PPP1R37: variants seen among roughly 807,000 people sequenced by gnomAD.
PPP1R37 encodes the protein protein phosphatase 1 regulatory subunit 37, also known as leucine rich repeat containing 68.
Under a neutral mutation model 61.0 loss-of-function variants are expected in PPP1R37, and 21 were observed. The ratio of observed to expected loss-of-function variants is 0.34; its 90% CI spans 0.24 to 0.50. The LOEUF is 0.50. Ranked by LOEUF, PPP1R37 falls within the 20% of genes least tolerant of loss-of-function variation. PPP1R37 has a pLI of 0.98. For synonymous variants in PPP1R37, 443 were observed against 433.5 expected (o/e 1.02, Z -0.27); for missense variants, 910 against 952.7 (o/e 0.96, Z 0.59).
chr19:45,146,340 G>A (rs1305331692), intron 11 of PPP1R37, 50 bp from the exon 12 acceptor site: 8 of 1,497,300 alleles, frequency 5.3e-6, no homozygotes, highest in African/African-American at 1.4e-5. Context: ...GGGACAGGTT[G>A]TATTTGCCCC....
Position 45,146,839 on chromosome 19 carries a change from A to G in PPP1R37, c.*277A>G. The stretch of plus-strand genomic sequence containing the variant: ...GAGCAGGAGGAGGAGGAGGTCTCCA[A>G]GGACATCAGGCGCCTGTTCTGGAGG... On this transcript the variant is annotated 3_prime_UTR_variant, in exon 13 of 13. Coordinates refer to ENST00000221462, the MANE Select transcript of PPP1R37 (RefSeq NM_019121.2). 4.7e-6 allele frequency: 1 copy of G among 214,454 alleles called. No homozygotes were observed. Among genetic ancestry groups the G allele is most frequent in the South Asian group, 6.0e-5 (1 of 16,648 alleles). 13.3% of individuals were successfully genotyped at this position (214,454 alleles called of 1,614,324 possible).
At chr19:45,096,153 T>C (rs1967990657) in intron 1 of PPP1R37, among the ~76,000 whole-genome samples, 1 of 152,050 alleles carries the variant, frequency 6.6e-6, no homozygotes, top group Non-Finnish European at 1.5e-5. Context: ...CATCTTGGGC[T>C]GGTGTGGAGG....
intron 1 of PPP1R37, among the ~76,000 whole-genome samples, chr19:45,119,240 T>A (rs1968308904): frequency 6.6e-6 from 1 of 151,534 alleles, no homozygotes; most frequent in Non-Finnish European, 1.5e-5. Context: ...CTGCAGCCTC[T>A]GCTTCCCAGG....
At chr19:45,106,511 T>C (rs1968133194) in intron 1 of PPP1R37, among the ~76,000 whole-genome samples, 1 of 152,076 alleles carries the variant, frequency 6.6e-6, no homozygotes, top group Non-Finnish European at 1.5e-5. Context: ...CCCAAAGCTC[T>C]GGGATTACAG....
intron 1 of PPP1R37, among the ~76,000 whole-genome samples, chr19:45,133,232 C>T (rs1004105781): frequency 1.2e-4 from 18 of 152,140 alleles, no homozygotes; most frequent in Non-Finnish European, 2.1e-4. Context: ...TACAGGCATG[C>T]GCCACAACAC....
chr19:45,127,974 CAAAAA>C (rs35001139), intron 1 of PPP1R37, among the ~76,000 whole-genome samples: 2 of 61,866 alleles, frequency 3.2e-5, no homozygotes, highest in South Asian at 5.9e-4. Context: ...GACTCCATCT[CAAAAA>C]AAAAAAAAAA....
chr19:45,136,660 C>G (rs555819986), intron 1 of PPP1R37, among the ~76,000 whole-genome samples: 1 of 152,198 alleles, frequency 6.6e-6, no homozygotes, highest in Non-Finnish European at 1.5e-5. Flanking sequence ...GCCTCCACCC[C>G]CAAGGAGGAG....
chr19:45,108,042 A>G (rs1443272781), intron 1 of PPP1R37, among the ~76,000 whole-genome samples: 1 of 152,180 alleles, frequency 6.6e-6, no homozygotes, highest in African/African-American at 2.4e-5. Context: ...AAAAATTCTT[A>G]GAAGGTGATT....
rs555385002 is a variant in PPP1R37 at position 45,144,864 on chromosome 19, A to G, written c.998A>G (p.Gln333Arg). 6.5e-7 allele frequency: 1 copy of G among 1,533,402 alleles called. No individual in the cohort carries two copies. Among genetic ancestry groups the G allele is most frequent in the Non-Finnish European group, 8.7e-7 (1 of 1,145,488 alleles). The allele number at this position is 1,533,402 out of a possible 1,614,324, so 95.0% of individuals were successfully genotyped here. A position where few individuals can be genotyped will look rare whatever the true frequency, so the allele number is the denominator to read the frequency against. Residue 333 changes from glutamine (Q) to arginine (R), a missense_variant, in exon 9 of 13, where the codon CAG (glutamine) becomes CGG (arginine). By Grantham distance (43) the Gln-to-Arg change is conservative. Coordinates refer to ENST00000221462, the MANE Select transcript of PPP1R37 (RefSeq NM_019121.2). ...ACCCCCTCCCTCCAGCCGCACACTC[A>G]GAGCCTGGAGACGCTGAACCTGGGC... Reference protein sequence around the residue: ...AFLGMTLPHTQSLETLNLGHN... With the variant: ...AFLGMTLPHTRSLETLNLGHN...
chr19:45,146,680 T>C lies in PPP1R37; in HGVS notation c.*118T>C. The stretch of plus-strand genomic sequence containing the variant: ...AGGATGCCAGGGGTGGGGGCCATTC[T>C]GGGGCCCCCCTCCCCCCACAGCAAC... On this transcript the variant is annotated 3_prime_UTR_variant, in exon 13 of 13. Coordinates refer to ENST00000221462, the MANE Select transcript of PPP1R37 (RefSeq NM_019121.2). 1 of 533,926 alleles carries C rather than the reference T, an allele frequency of 1.9e-6. No homozygotes were observed. Among genetic ancestry groups the C allele is most frequent in the Non-Finnish European group, 3.4e-6 (1 of 294,774 alleles). The allele number at this position is 533,926 out of a possible 1,614,324, so 33.1% of individuals were successfully genotyped here.
chr19:45,143,326 C>A (rs1015774039), intron 7 of PPP1R37, 195 bp from the exon 8 acceptor site: 5 of 535,500 alleles, frequency 9.3e-6, no homozygotes, highest in Non-Finnish European at 1.7e-5. Flanking sequence ...TGGAGGCTGT[C>A]ATCCAGGCAC....
At chr19:45,117,978 GC>G (rs1346540014) in intron 1 of PPP1R37, among the ~76,000 whole-genome samples, 1 of 152,254 alleles carries the variant, frequency 6.6e-6, no homozygotes, top group Non-Finnish European at 1.5e-5. Context: ...TTACTGAGAG[GC>G]TGTTGGGGGT....
chr19:45,146,332 G>C (rs1409086663), intron 11 of PPP1R37, 58 bp from the exon 12 acceptor site: 3 of 1,475,460 alleles, frequency 2.0e-6, no homozygotes, highest in African/African-American at 1.4e-5. Context: ...CCGGGCTGGG[G>C]ACAGGTTGTA....
chr19:45,124,420 T>G (rs930565491), intron 1 of PPP1R37, among the ~76,000 whole-genome samples: 1 of 152,042 alleles, frequency 6.6e-6, no homozygotes, highest in South Asian at 2.1e-4. Flanking sequence ...TTCTTTTTTT[T>G]CCCCCAATGA....
At chr19:45,098,038 C>A (rs576201042) in intron 1 of PPP1R37, among the ~76,000 whole-genome samples, 2 of 152,304 alleles carry the variant, frequency 1.3e-5, no homozygotes, top group African/African-American at 4.8e-5. Context: ...GTGATCCCTG[C>A]CCTGCAGACC....
At chr19:45,107,672 C>T (rs796486553) in intron 1 of PPP1R37, among the ~76,000 whole-genome samples, 36 of 152,242 alleles carry the variant, frequency 2.4e-4, no homozygotes, top group African/African-American at 7.7e-4. Flanking sequence ...ATACGTGTAT[C>T]CCGGATGCAG....
At chr19:45,142,735 C>G (rs1008430052) in intron 7 of PPP1R37, 1 of 478,910 alleles carries the variant, frequency 2.1e-6, no homozygotes, top group African/African-American at 2.0e-5. Flanking sequence ...CAGGATGAGG[C>G]GAAGTGAATA....
intron 1 of PPP1R37, among the ~76,000 whole-genome samples, chr19:45,124,600 C>G (rs997150833): frequency 1.3e-5 from 2 of 152,058 alleles, no homozygotes; most frequent in Non-Finnish European, 2.9e-5. Flanking sequence ...GACAAGAACC[C>G]CTGGAGGGCA....
At chr19:45,133,549 C>G (rs1260676192) in intron 1 of PPP1R37, among the ~76,000 whole-genome samples, 2 of 152,226 alleles carry the variant, frequency 1.3e-5, no homozygotes, top group African/African-American at 2.4e-5. Flanking sequence ...GCAGCCCTTC[C>G]CTTTGGAACC....
Sources: gnomAD v4.1 joint callset for allele counts (sites outside exome capture counted in the v4.1 genomes callset) on GRCh38, gnomAD v4.1.1 for gene constraint, MANE v1.5 for transcripts, NCBI Gene and HGNC (gene_info 2026-07-23, HGNC 2026-07-21) for gene names.